ABCG2: variants seen among roughly 807,000 people sequenced by gnomAD.
The protein encoded by ABCG2 is ATP binding cassette subfamily G member 2 (JR blood group), also known as broad substrate specificity ATP-binding cassette transporter ABCG2.
Under a neutral mutation model 73.5 loss-of-function variants are expected in ABCG2, and 80 were observed. The observed-to-expected ratio is 1.09, with a 90% CI of 0.91 to 1.31. The LOEUF (loss-of-function observed/expected upper bound fraction) is 1.31, where lower values mean the gene tolerates loss of function less well. ABCG2 is among the 50% of genes most tolerant of loss of function. The pLI, the probability that ABCG2 is intolerant of heterozygous loss-of-function variation, is 0.00. For missense variants in ABCG2, 796 were observed against 786.2 expected, an observed-to-expected ratio of 1.01 and a Z score of -0.15; for synonymous variants, 269 against 282.4, an observed-to-expected ratio of 0.95 and a Z score of 0.48.
At chr4:88,140,821 T>C (rs536961254) in intron 1 of ABCG2, among the ~76,000 whole-genome samples, 1 of 152,254 alleles carries the variant, frequency 6.6e-6, no homozygotes, top group African/African-American at 2.4e-5. Context: ...TGCAATTACA[T>C]AATAATTTCC....
chr4:88,142,087 G>C (rs1725686333), intron 1 of ABCG2, among the ~76,000 whole-genome samples: 1 of 132,456 alleles, frequency 7.5e-6, no homozygotes, highest in Non-Finnish European at 1.6e-5. Flanking sequence ...CCATGAAAGG[G>C]GGAAAAAATC....
intron 13 of ABCG2, among the ~76,000 whole-genome samples, chr4:88,096,681 T>A (rs1451215333): frequency 4.6e-5 from 7 of 151,998 alleles, no homozygotes; most frequent in Non-Finnish European, 7.4e-5. Flanking sequence ...ATGTAACTGG[T>A]TTCATTCACC....
At chr4:88,154,643 C>T (rs1006642836) in intron 1 of ABCG2, among the ~76,000 whole-genome samples, 5 of 152,068 alleles carry the variant, frequency 3.3e-5, no homozygotes, top group African/African-American at 1.2e-4. Context: ...GGGGTGAATG[C>T]CCGGTGGATC....
chr4:88,090,528 C>T lies in ABCG2; in HGVS notation c.*1706G>A, dbSNP rs984283210. 2 of 151,956 alleles carry T rather than the reference C, an allele frequency of 1.3e-5. No homozygotes were observed. The highest frequency in any genetic ancestry group is 3.9e-4 in the East Asian group (2 of 5,184). The allele number at this position is 151,956 out of a possible 1,614,324, so 9.4% of individuals were successfully genotyped here. On this transcript the variant is annotated 3_prime_UTR_variant, in exon 16 of 16. Transcript: ENST00000237612. ...GATGACGCATTAATCAAATGTCATC[C>T]AAAAAGAAAAAAGTTCAAAGATAAA...
chr4:88,144,242 T>G (rs1204759561), intron 1 of ABCG2, among the ~76,000 whole-genome samples: 3 of 152,158 alleles, frequency 2.0e-5, no homozygotes, highest in African/African-American at 7.2e-5. Context: ...TCAAATGGCT[T>G]TACACTTTAC....
Position 88,131,937 on chromosome 4 carries a change from T to C in ABCG2, c.264-20A>G, listed in dbSNP as rs1216031922. 6.3e-7 allele frequency: 1 copy of C among 1,581,188 alleles called. No individual in the cohort carries two copies. Among genetic ancestry groups the C allele is most frequent in the East Asian group, 2.2e-5 (1 of 44,676 alleles). On this transcript the variant is annotated intron_variant, in intron 3 of 15. Transcript: ENST00000237612. ...AATAACCTATAAGAGGACATATATGTTGTGGGTCTAATAACCTATAAGAGA... is the reference window on the plus strand; with the variant it reads ...AATAACCTATAAGAGGACATATATGCTGTGGGTCTAATAACCTATAAGAGA...
chr4:88,162,464 T>C (rs6823896), upstream of ABCG2, among the ~76,000 whole-genome samples: 538 of 152,224 alleles, frequency 3.5e-3, 7 homozygotes, highest in African/African-American at 0.012. Flanking sequence ...ATATTTTAGA[T>C]TGTGATGTTT....
intron 1 of ABCG2, among the ~76,000 whole-genome samples, chr4:88,166,309 G>A (rs531127435): frequency 1.3e-5 from 2 of 152,022 alleles, no homozygotes; most frequent in Non-Finnish European, 2.9e-5. Context: ...ACAAATTGTC[G>A]TACCATCATT....
At chr4:88,096,793 G>A (rs937634758) in intron 13 of ABCG2, among the ~76,000 whole-genome samples, 5 of 151,606 alleles carry the variant, frequency 3.3e-5, no homozygotes, top group Middle Eastern at 3.4e-3. Flanking sequence ...TGTCAGGAAC[G>A]AAACCCAGAA....
chr4:88,122,792 C>T (rs1724101272), intron 5 of ABCG2, among the ~76,000 whole-genome samples: 1 of 152,208 alleles, frequency 6.6e-6, no homozygotes, highest in Non-Finnish European at 1.5e-5. Flanking sequence ...GTGAATCTCC[C>T]AGCACAGCGC....
At chr4:88,106,135 T>A (rs1036468125) in intron 10 of ABCG2, among the ~76,000 whole-genome samples, 1 of 151,984 alleles carries the variant, frequency 6.6e-6, no homozygotes, top group Non-Finnish European at 1.5e-5. Flanking sequence ...AAAATAGGGT[T>A]TTTTTTGTTT....
chr4:88,191,227 G>A (rs748213158), intron 1 of ABCG2, among the ~76,000 whole-genome samples: 5 of 138,140 alleles, frequency 3.6e-5, no homozygotes, highest in Non-Finnish European at 7.8e-5. Flanking sequence ...CTCCAAGATC[G>A]CGCCAGTGCA....
intron 12 of ABCG2, among the ~76,000 whole-genome samples, chr4:88,098,323 G>A (rs1297891390): frequency 2.0e-5 from 3 of 151,918 alleles, no homozygotes; most frequent in African/African-American, 4.8e-5. Flanking sequence ...AGATATTTCC[G>A]GGGGTTTTGT....
intron 5 of ABCG2, among the ~76,000 whole-genome samples, chr4:88,128,508 AC>A (rs1724597037): frequency 2.0e-5 from 3 of 152,222 alleles, no homozygotes; most frequent in Admixed American, 2.0e-4. Flanking sequence ...AATAGCAAAG[AC>A]TTGGAACCAA....
At chr4:88,147,877 A>T (rs1435646394) in intron 1 of ABCG2, among the ~76,000 whole-genome samples, 2 of 152,230 alleles carry the variant, frequency 1.3e-5, no homozygotes, top group Non-Finnish European at 2.9e-5. Context: ...CCTATCTAAG[A>T]ACGCAGTATG....
At chr4:88,103,072 C>T (rs1023515330) in intron 10 of ABCG2, among the ~76,000 whole-genome samples, 11 of 152,124 alleles carry the variant, frequency 7.2e-5, no homozygotes, top group African/African-American at 2.4e-4. Flanking sequence ...AGCCACGGTG[C>T]CCAGCCAGAG....
chr4:88,137,060 T>TAAAATAAAATAAAATAAAATA (rs1271680412), intron 2 of ABCG2, among the ~76,000 whole-genome samples: 18 of 145,984 alleles, frequency 1.2e-4, no homozygotes, highest in African/African-American at 4.8e-4. Context: ...TAAAATAAAA[T>TAAAATAAAATAAAATAAAATA]AAGAATGAGG....
intron 12 of ABCG2, 94 bp downstream of exon 12, chr4:88,099,229 GT>G (rs1235139289): frequency 3.9e-6 from 5 of 1,273,030 alleles, no homozygotes; most frequent in Non-Finnish European, 5.2e-6. Context: ...TTGGTTTATA[GT>G]TTTGAGAACC....
intron 14 of ABCG2, among the ~76,000 whole-genome samples, chr4:88,094,967 T>A (rs1721888631): frequency 6.6e-6 from 1 of 152,242 alleles, no homozygotes; most frequent in South Asian, 2.1e-4. Flanking sequence ...AACATTCTAA[T>A]TAAAATGATA....
Sources: gnomAD v4.1 joint callset for allele counts (sites outside exome capture counted in the v4.1 genomes callset) on GRCh38, gnomAD v4.1.1 for gene constraint, MANE v1.5 for transcripts, NCBI Gene and HGNC (gene_info 2026-07-23, HGNC 2026-07-21) for gene names.